Variants in CEPT1 observed in about 807,000 individuals in gnomAD.
CEPT1 encodes the protein choline/ethanolaminephosphotransferase 1.
A neutral mutation model predicts 42.6 loss-of-function variants in CEPT1; 7 were observed. The ratio of observed to expected loss-of-function variants is 0.16; its 90% CI spans 0.09 to 0.31. The LOEUF (loss-of-function observed/expected upper bound fraction) is 0.31. Ranked by LOEUF, CEPT1 falls within the 10% of genes least tolerant of loss-of-function variation. The pLI is 1.00. For synonymous variants in CEPT1, 171 were observed against 171.9 expected, an observed-to-expected ratio of 0.99 and a Z score of 0.04; for missense variants, 306 against 502.1, an observed-to-expected ratio of 0.61 and a Z score of 3.73.
chr1:111,165,383 T>G (rs976232307), intron 4 of CEPT1, among the ~76,000 whole-genome samples: 4 of 152,110 alleles, frequency 2.6e-5, no homozygotes, highest in African/African-American at 9.6e-5. Context: ...AAATCTATGC[T>G]GTAAAGGCAG....
chr1:111,163,554 G>A (rs1477350502), intron 4 of CEPT1, among the ~76,000 whole-genome samples: 2 of 151,682 alleles, frequency 1.3e-5, no homozygotes, highest in African/African-American at 4.9e-5. Flanking sequence ...AGTGAGCTGA[G>A]ATAGCACCAC....
chr1:111,140,822 T>G (rs758715512), intron 1 of CEPT1, among the ~76,000 whole-genome samples: 14 of 152,198 alleles, frequency 9.2e-5, no homozygotes, highest in Non-Finnish European at 1.3e-4. Flanking sequence ...GTCAGCAACT[T>G]TTCTGGAAAT....
intron 2 of CEPT1, among the ~76,000 whole-genome samples, chr1:111,157,843 CA>C (rs1655651483): frequency 6.6e-6 from 1 of 152,134 alleles, no homozygotes; most frequent in African/African-American, 2.4e-5. Flanking sequence ...CTTTGCAGTA[CA>C]GAATATACTG....
chr1:111,170,191 G>C (rs1571145976), intron 4 of CEPT1, among the ~76,000 whole-genome samples: 2 of 152,184 alleles, frequency 1.3e-5, no homozygotes, highest in African/African-American at 4.8e-5. Flanking sequence ...GGGTCTTATT[G>C]TTTTCAAAGG....
intron 2 of CEPT1, among the ~76,000 whole-genome samples, chr1:111,151,197 T>A (rs1264958462): frequency 6.6e-6 from 1 of 151,800 alleles, no homozygotes. Context: ...CAGTCTCGGT[T>A]CACTGCAACC....
chr1:111,158,902 CTTTT>C (rs149230078), intron 2 of CEPT1, among the ~76,000 whole-genome samples: 2 of 55,436 alleles, frequency 3.6e-5, no homozygotes, highest in Non-Finnish European at 6.9e-5. Flanking sequence ...TTTTACAATT[CTTTT>C]TTTTTTTTTT....
At chr1:111,152,323 AGTGAAG>A (rs1043278238) in intron 2 of CEPT1, among the ~76,000 whole-genome samples, 1 of 77,020 alleles carries the variant, frequency 1.3e-5, no homozygotes, top group Non-Finnish European at 2.5e-5. Context: ...GACATTGAAA[AGTGAAG>A]GGGGAAAAAA....
chr1:111,182,349 T>C, intron 6 of CEPT1, 31 bp downstream of exon 6: 1 of 1,602,214 alleles, frequency 6.2e-7, no homozygotes, highest in Non-Finnish European at 8.5e-7. Context: ...TCAACACTTG[T>C]TTACACTAGG....
intron 2 of CEPT1, among the ~76,000 whole-genome samples, chr1:111,149,322 G>A (rs1318974127): frequency 6.8e-6 from 1 of 147,656 alleles, no homozygotes; most frequent in Non-Finnish European, 1.5e-5. Context: ...GAGTGCAATG[G>A]CACTGTCTTG....
intron 1 of CEPT1, among the ~76,000 whole-genome samples, chr1:111,141,060 TTGAAGTCTTTTAATCAGTAAATCCA>T (rs1474281630): frequency 6.6e-6 from 1 of 152,238 alleles, no homozygotes; most frequent in African/African-American, 2.4e-5. Flanking sequence ...ATAATTTTGC[TTGAAGTCTTTTAATCAGTAAATCCA>T]TAGTATGACA....
At chr1:111,175,305 T>C (rs1173904824) in intron 5 of CEPT1, among the ~76,000 whole-genome samples, 1 of 152,202 alleles carries the variant, frequency 6.6e-6, no homozygotes, top group Non-Finnish European at 1.5e-5. Context: ...ATGAGTCTAC[T>C]AGTTTTTCTG....
At position 111,173,457 on chromosome 1, in the gene CEPT1, A is replaced by G. The variant is rs1656522259; in HGVS notation, c.630-1422A>G. On this transcript the variant is annotated intron_variant, in intron 4 of 8. Transcript: ENST00000357172. ...GTTATTTATCACAGCATGACAGCTT[A>G]TGTATCTTAAACTCACATTACAGAT... 4.6e-5 allele frequency among the ~76,000 whole-genome samples: 7 copies of G among 152,312 alleles called. No homozygotes were observed. In the South Asian group the frequency reaches 1.4e-3, roughly 32 times the overall value.
intron 3 of CEPT1, chr1:111,159,784 T>C: frequency 6.7e-6 from 2 of 297,316 alleles, no homozygotes; most frequent in Non-Finnish European, 1.2e-5. Flanking sequence ...TGGGGCATAA[T>C]TGTCACCATC....
intron 2 of CEPT1, 72 bp from the exon 3 acceptor site, chr1:111,159,308 G>T (rs946672473): frequency 1.5e-5 from 22 of 1,472,226 alleles, no homozygotes; most frequent in Non-Finnish European, 1.9e-5. Context: ...CCAACCTGCA[G>T]GTAAAAATAT....
chr1:111,158,902 CTTTTTTTTTTTTT>C (rs149230078), intron 2 of CEPT1, among the ~76,000 whole-genome samples: 3 of 55,436 alleles, frequency 5.4e-5, no homozygotes, highest in East Asian at 5.7e-4. Flanking sequence ...TTTTACAATT[CTTTTTTTTTTTTT>C]TTTTTTTTTT....
chr1:111,183,326 G>T, intron 7 of CEPT1, 136 bp from the exon 8 acceptor site: 1 of 945,402 alleles, frequency 1.1e-6, no homozygotes. Context: ...CATATTGTTG[G>T]GTTTTTAGTT....
intron 2 of CEPT1, among the ~76,000 whole-genome samples, chr1:111,156,662 C>T (rs979638466): frequency 1.3e-5 from 2 of 152,184 alleles, no homozygotes; most frequent in East Asian, 1.9e-4. Context: ...GTGCAGCCCA[C>T]GTGCCACAGC....
At chr1:111,170,107 G>A (rs1426955945) in intron 4 of CEPT1, among the ~76,000 whole-genome samples, 1 of 152,100 alleles carries the variant, frequency 6.6e-6, no homozygotes, top group Non-Finnish European at 1.5e-5. Flanking sequence ...ATTTTGTATT[G>A]TGCCAGTTAG....
intron 4 of CEPT1, among the ~76,000 whole-genome samples, chr1:111,164,632 T>G (rs945182516): frequency 6.6e-6 from 1 of 151,784 alleles, no homozygotes; most frequent in African/African-American, 2.4e-5. Context: ...TTTTGTTTTG[T>G]TTTGTTTTTG....
Sources: allele counts gnomAD v4.1 joint callset (sites outside exome capture counted in the v4.1 genomes callset), GRCh38; gene constraint gnomAD v4.1.1; transcripts MANE v1.5; gene names NCBI Gene and HGNC (gene_info 2026-07-23, HGNC 2026-07-21).